HS2ST1: variants seen among roughly 807,000 people sequenced by gnomAD.
HS2ST1 encodes 2-O-sulfotransferase.
Under a neutral mutation model 42.9 loss-of-function variants are expected in HS2ST1, and 18 were observed. That is an observed-to-expected ratio of 0.42 (90% CI 0.29 to 0.62). The LOEUF is 0.62. Ranked by LOEUF, HS2ST1 falls within the 20% of genes least tolerant of loss-of-function variation. The pLI, the probability that HS2ST1 is intolerant of heterozygous loss-of-function variation, is 0.21. For missense variants in HS2ST1, 334 were observed against 433.8 expected, an observed-to-expected ratio of 0.77 and a Z score of 2.04; for synonymous variants, 146 against 152.9, an observed-to-expected ratio of 0.95 and a Z score of 0.33.
intron 2 of HS2ST1, among the ~76,000 whole-genome samples, chr1:87,076,389 A>G (rs1270742405): frequency 1.3e-5 from 2 of 152,220 alleles, no homozygotes; most frequent in Admixed American, 1.3e-4. Flanking sequence ...TTGAGTATGT[A>G]TGTGCATACA....
chr1:86,932,373 A>G (rs971287030), intron 1 of HS2ST1: 9 of 152,228 alleles, frequency 5.9e-5, no homozygotes, highest in Admixed American at 5.2e-4. Flanking sequence ...ATTTAATGTT[A>G]TAATTCTCCT....
intron 1 of HS2ST1, chr1:87,045,206 A>G (rs1054537012): frequency 4.2e-5 from 40 of 949,230 alleles, no homozygotes; most frequent in Middle Eastern, 2.7e-4. Context: ...TTTCTGGGGC[A>G]TCACCAACAC....
intron 1 of HS2ST1, among the ~76,000 whole-genome samples, chr1:87,054,741 A>C (rs547871364): frequency 7.0e-4 from 106 of 152,286 alleles, no homozygotes; most frequent in Non-Finnish European, 1.1e-3. Flanking sequence ...TCTGCACTCT[A>C]TCGGCCAGCT....
chr1:86,992,127 T>G (rs1478381794), intron 1 of HS2ST1, among the ~76,000 whole-genome samples: 1 of 151,944 alleles, frequency 6.6e-6, no homozygotes, highest in Non-Finnish European at 1.5e-5. Context: ...AAATCTAATC[T>G]GAGGTAGAAC....
intron 1 of HS2ST1, among the ~76,000 whole-genome samples, chr1:86,919,698 G>T (rs1570420860): frequency 6.6e-6 from 1 of 152,136 alleles, no homozygotes; most frequent in African/African-American, 2.4e-5. Context: ...TTGCAAAGGA[G>T]TATGTGATTC....
chr1:87,096,329 C>T (rs1184375663), intron 4 of HS2ST1, among the ~76,000 whole-genome samples: 1 of 152,068 alleles, frequency 6.6e-6, no homozygotes, highest in East Asian at 1.9e-4. Context: ...AATTTTGAAA[C>T]ATCATACATT....
At chr1:87,071,287 C>T (rs1651397080) in intron 1 of HS2ST1, among the ~76,000 whole-genome samples, 2 of 152,156 alleles carry the variant, frequency 1.3e-5, no homozygotes, top group African/African-American at 4.8e-5. Context: ...GAAGTCTGCA[C>T]TTGTTGCTGT....
rs1159795579 is a variant in HS2ST1, at chr1:87,104,630, A to G, written c.1005A>G (p.Lys335=). 5.0e-6 allele frequency: 8 copies of G among 1,613,678 alleles called. No homozygotes were observed. The highest frequency in any genetic ancestry group is 6.8e-6 in the Non-Finnish European group (8 of 1,179,602). The change falls in exon 7 of 7, where the codon AAA becomes AAG. Residue 335 remains lysine, a synonymous_variant. Coordinates refer to ENST00000370550, the MANE Select transcript of HS2ST1 (RefSeq NM_012262.4). ...TCAGAGCCCATGCCGTTCGAGAAAA[A>G]GATGGAGACCTCTACATCCTCGCAC... is the stretch of plus-strand genomic sequence containing the variant. ...QFIRAHAVRE[K]DGDLYILAQN... is the part of the protein sequence containing the mutation.
chr1:87,074,817 A>G (rs1428610125), intron 2 of HS2ST1, among the ~76,000 whole-genome samples: 1 of 152,214 alleles, frequency 6.6e-6, no homozygotes, highest in African/African-American at 2.4e-5. Context: ...ATTAGCTGAC[A>G]TACTTCAAAA....
intron 1 of HS2ST1, among the ~76,000 whole-genome samples, chr1:87,029,946 A>T (rs138406695): frequency 7.7e-4 from 117 of 152,364 alleles, no homozygotes; most frequent in African/African-American, 2.6e-3. Flanking sequence ...TTTCTTGCCC[A>T]GAAGAAAGGT....
At chr1:87,011,792 T>A (rs1279951251) in intron 1 of HS2ST1, among the ~76,000 whole-genome samples, 1 of 152,224 alleles carries the variant, frequency 6.6e-6, no homozygotes, top group Non-Finnish European at 1.5e-5. Context: ...CAAAAGTACT[T>A]TGTCAAAGTG....
chr1:86,969,562 G>C (rs1488593850), intron 1 of HS2ST1, among the ~76,000 whole-genome samples: 1 of 152,140 alleles, frequency 6.6e-6, no homozygotes, highest in Non-Finnish European at 1.5e-5. Flanking sequence ...CAGTTGTATA[G>C]ATGTTACTGA....
At position 87,089,579 on chromosome 1, in the gene HS2ST1, C is replaced by T. The variant is rs578016284; in HGVS notation, c.450-2952C>T. On this transcript the variant is annotated intron_variant, in intron 3 of 6. Coordinates refer to ENST00000370550, the MANE Select transcript of HS2ST1 (RefSeq NM_012262.4). ...GCAAAAGAGTAAAACCAGCAAACCT[C>T]GTTAGCTCTTGTTTTCTAACTGGCT... Among the ~76,000 whole-genome samples the T allele has an allele frequency of 4.6e-5, 7 of 152,090 alleles. No individual in the cohort carries two copies. The South Asian group carries it at 8.3e-4, about 18-fold the overall frequency.
intron 1 of HS2ST1, among the ~76,000 whole-genome samples, chr1:86,920,936 A>G (rs1660278954): frequency 2.0e-5 from 3 of 152,116 alleles, no homozygotes; most frequent in Admixed American, 2.0e-4. Context: ...AAAATTGCTA[A>G]GAGAGTGGAT....
At chr1:87,004,050 C>T (rs200176999) in intron 1 of HS2ST1, among the ~76,000 whole-genome samples, 3 of 152,024 alleles carry the variant, frequency 2.0e-5, no homozygotes, top group African/African-American at 7.3e-5. Context: ...TGCCACCAAA[C>T]AGCTTCTGAA....
chr1:86,957,881 G>A (rs1647718437), intron 1 of HS2ST1, among the ~76,000 whole-genome samples: 1 of 148,762 alleles, frequency 6.7e-6, no homozygotes, highest in Admixed American at 6.8e-5. Context: ...TGCAAACTCT[G>A]CCTCCCGGGT....
In HS2ST1 at chr1:87,092,688, G is replaced by A; in HGVS notation, c.588+19G>A. 6.7e-7 allele frequency: 1 copy of A among 1,482,714 alleles called. No individual in the cohort carries two copies. Among genetic ancestry groups the A allele is most frequent in the East Asian group, 2.5e-5 (1 of 39,484 alleles). 91.8% of individuals were successfully genotyped at this position (1,482,714 alleles called of 1,614,324 possible). On this transcript the variant is annotated intron_variant, in intron 4 of 6. Coordinates refer to ENST00000370550, the MANE Select transcript of HS2ST1 (RefSeq NM_012262.4). The stretch of plus-strand genomic sequence containing the variant: ...CAAAAAGGTAATATTTTAGTTTTAA[G>A]ATTTTTATAAAGATAATTGTTTATG...
intron 1 of HS2ST1, chr1:86,958,634 A>G (rs1033901750): frequency 2.0e-5 from 3 of 152,236 alleles, no homozygotes; most frequent in African/African-American, 7.2e-5. Context: ...TATTTTAAAA[A>G]ATCTCCCTGA....
chr1:86,985,492 A>G (rs1247018982), intron 1 of HS2ST1, among the ~76,000 whole-genome samples: 1 of 84,204 alleles, frequency 1.2e-5, no homozygotes, highest in Non-Finnish European at 2.6e-5. Context: ...ATACACATAT[A>G]TATACACATA....
Sources: allele counts gnomAD v4.1 joint callset (sites outside exome capture counted in the v4.1 genomes callset), GRCh38; gene constraint gnomAD v4.1.1; transcripts MANE v1.5; gene names NCBI Gene and HGNC (gene_info 2026-07-23, HGNC 2026-07-21).